SLC7A1: variants seen among roughly 807,000 people sequenced by gnomAD.
SLC7A1 encodes the protein high affinity cationic amino acid transporter 1.
SLC7A1 carries 10 observed loss-of-function variants against 53.9 expected under a neutral mutation model. The observed-to-expected ratio is 0.19, with a 90% CI of 0.11 to 0.31. The LOEUF (loss-of-function observed/expected upper bound fraction) is 0.31. SLC7A1 is among the 10% of genes least tolerant of loss of function. The pLI is 1.00. For synonymous variants in SLC7A1, 342 were observed against 338.7 expected (o/e 1.01, Z -0.11); for missense variants, 525 against 827.2 (o/e 0.63, Z 4.48).
At chr13:29,546,694 C>G (rs913648862) in intron 2 of SLC7A1, among the ~76,000 whole-genome samples, 3 of 152,264 alleles carry the variant, frequency 2.0e-5, no homozygotes, top group Admixed American at 2.0e-4. Flanking sequence ...CCCAGTCTCC[C>G]CACCATCACG....
rs58271535 is a variant in SLC7A1 at position 29,526,710 on chromosome 13, G to A, written c.705-2457C>T. 2.6e-4 allele frequency among the ~76,000 whole-genome samples: 40 copies of A among 152,204 alleles called. 1 individual carries two copies. In the East Asian group the frequency reaches 2.9e-3, roughly 11 times the overall value. ...AAGGGCTGGAATGTGTCTTCCTCAC[G>A]CAGACAGGTAAAGCACACACAACAA... On this transcript the variant is annotated intron_variant, in intron 5 of 12. Coordinates refer to ENST00000380752, the MANE Select transcript of SLC7A1 (RefSeq NM_003045.5).
intron 1 of SLC7A1, among the ~76,000 whole-genome samples, chr13:29,554,385 A>G (rs1870340440): frequency 6.6e-6 from 1 of 152,194 alleles, no homozygotes; most frequent in African/African-American, 2.4e-5. Context: ...CTGCCATGGC[A>G]GCACAAAGCA....
At chr13:29,574,273 G>T (rs1211547049) in intron 1 of SLC7A1, among the ~76,000 whole-genome samples, 1 of 152,254 alleles carries the variant, frequency 6.6e-6, no homozygotes, top group Non-Finnish European at 1.5e-5. Context: ...AACTGCCTGT[G>T]TTATCACTCT....
intron 1 of SLC7A1, among the ~76,000 whole-genome samples, chr13:29,575,676 C>T (rs183429695): frequency 1.8e-4 from 27 of 152,278 alleles, no homozygotes; most frequent in Admixed American, 9.8e-4. Context: ...AGTAAGTTTA[C>T]GTACAAACTA....
intron 1 of SLC7A1, among the ~76,000 whole-genome samples, chr13:29,570,804 G>C (rs1871160102): frequency 6.6e-6 from 1 of 150,902 alleles, no homozygotes; most frequent in African/African-American, 2.4e-5. Flanking sequence ...GTGGCAGTGA[G>C]CCATGATCAT....
chr13:29,560,168 A>C (rs1161960867), intron 1 of SLC7A1, among the ~76,000 whole-genome samples: 3 of 151,816 alleles, frequency 2.0e-5, no homozygotes, highest in African/African-American at 7.3e-5. Flanking sequence ...TTTTTTCTTA[A>C]AAACCAAGAT....
rs1415821236 is a variant in SLC7A1, at chr13:29,536,008, T to C, written c.181A>G (p.Asn61Asp). 6.2e-7 allele frequency: 1 copy of C among 1,613,826 alleles called. No homozygotes were observed. The highest frequency in any genetic ancestry group is 1.3e-5 in the African/African-American group (1 of 74,880). ...YVLAGAVARE[N>D]AGPAIVISFL... ...GAGATGACAATGGCAGGGCCTGCAT[T>C]CTCACGGGCCACAGCTCCAGCCAGG... Residue 61 changes from asparagine (N) to aspartate (D), a missense_variant, in exon 3 of 13, where the codon AAT becomes GAT. Physicochemically the swap from Asn to Asp is conservative, Grantham distance 23. Transcript: ENST00000380752.
At chr13:29,554,366 T>C (rs1452318277) in intron 1 of SLC7A1, among the ~76,000 whole-genome samples, 3 of 152,160 alleles carry the variant, frequency 2.0e-5, no homozygotes, top group African/African-American at 7.2e-5. Context: ...CTATGGGTAC[T>C]ATTAACAGCT....
chr13:29,523,032 T>A (rs1013717104), intron 7 of SLC7A1, among the ~76,000 whole-genome samples: 2 of 152,198 alleles, frequency 1.3e-5, no homozygotes, highest in African/African-American at 4.8e-5. Flanking sequence ...AAGCAGATGA[T>A]GCTGAAAAGC....
chr13:29,516,512 T>A (rs1415365200), intron 11 of SLC7A1, among the ~76,000 whole-genome samples: 1 of 152,242 alleles, frequency 6.6e-6, no homozygotes, highest in Non-Finnish European at 1.5e-5. Context: ...CATTCTCATT[T>A]TTCTCTGTTG....
At chr13:29,572,474 C>T (rs929801584) in intron 1 of SLC7A1, among the ~76,000 whole-genome samples, 4 of 152,096 alleles carry the variant, frequency 2.6e-5, no homozygotes, top group Admixed American at 6.5e-5. Context: ...TCAGGACCCG[C>T]GGCACCAGGG....
intron 11 of SLC7A1, 112 bp from the exon 12 acceptor site, chr13:29,516,358 A>T: frequency 1.4e-6 from 1 of 693,692 alleles, no homozygotes. Context: ...CCGTCGGGCG[A>T]GTGTGGGGAA....
At chr13:29,536,843 T>A (rs566324729) in intron 2 of SLC7A1, among the ~76,000 whole-genome samples, 1 of 152,266 alleles carries the variant, frequency 6.6e-6, no homozygotes, top group Non-Finnish European at 1.5e-5. Flanking sequence ...AGCACTTTTC[T>A]TCTGGGCTGA....
At position 29,514,435 on chromosome 13, in the gene SLC7A1, G is replaced by A. The variant is rs749523161; in HGVS notation, c.*45C>T. 5 of 1,452,308 alleles carry A rather than the reference G, an allele frequency of 3.4e-6. No individual in the cohort carries two copies. The highest frequency in any genetic ancestry group is 1.9e-4 in the Middle Eastern group (1 of 5,272). 90.0% of individuals were successfully genotyped at this position (1,452,308 alleles called of 1,614,324 possible). A position where few individuals can be genotyped will look rare whatever the true frequency, so the allele number is the denominator to read the frequency against. On this transcript the variant is annotated 3_prime_UTR_variant, in exon 13 of 13. Coordinates refer to ENST00000380752, the MANE Select transcript of SLC7A1 (RefSeq NM_003045.5). ...TGGGGTGCCTCCCGGTCCTCTGGGGGCGTCCCTCGGGGCTGCTGCCACCTC... is the reference window on the plus strand; with the variant it reads ...TGGGGTGCCTCCCGGTCCTCTGGGGACGTCCCTCGGGGCTGCTGCCACCTC...
At position 29,585,442 on chromosome 13, in the gene SLC7A1, T is replaced by TA. The variant is rs533529689; in HGVS notation, c.-115+9973dup. ...AATTATCTCAGCGTATCACAGATAG[T>TA]AAAAATGAGTACTGTTTCATAAAAA... On this transcript the variant is annotated intron_variant, in intron 1 of 12. Transcript: ENST00000380752. Among the ~76,000 whole-genome samples the TA allele has an allele frequency of 1.4e-4, 22 of 152,310 alleles. No homozygotes were observed. In the East Asian group the frequency reaches 4.2e-3, roughly 29 times the overall value.
intron 2 of SLC7A1, among the ~76,000 whole-genome samples, chr13:29,539,673 C>T (rs1869581017): frequency 6.6e-6 from 1 of 152,162 alleles, no homozygotes; most frequent in Admixed American, 6.6e-5. Flanking sequence ...ACACCAAGCC[C>T]AGGGAAGTGC....
At chr13:29,549,128 G>T (rs1367398874) in intron 2 of SLC7A1, among the ~76,000 whole-genome samples, 2 of 152,190 alleles carry the variant, frequency 1.3e-5, no homozygotes, top group African/African-American at 4.8e-5. Flanking sequence ...TGGAGCGGAC[G>T]TGCTAGTGGG....
At chr13:29,516,922 T>C (rs1883574624) in intron 11 of SLC7A1, 5 of 456,168 alleles carry the variant, frequency 1.1e-5, no homozygotes, top group Non-Finnish European at 1.9e-5. Flanking sequence ...AGCCTGCCCT[T>C]GACTACTCAG....
intron 1 of SLC7A1, among the ~76,000 whole-genome samples, chr13:29,554,376 T>C (rs1224882397): frequency 6.6e-6 from 1 of 152,078 alleles, no homozygotes. Flanking sequence ...TATTAACAGC[T>C]GCCATGGCAG....
Sources: allele counts gnomAD v4.1 joint callset (sites outside exome capture counted in the v4.1 genomes callset), GRCh38; gene constraint gnomAD v4.1.1; transcripts MANE v1.5; gene names NCBI Gene and HGNC (gene_info 2026-07-23, HGNC 2026-07-21).